Variants in GPR137 observed in about 807,000 individuals in gnomAD.
GPR137 encodes the protein integral membrane protein GPR137.
A neutral mutation model predicts 38.9 loss-of-function variants in GPR137; 20 were observed. That is an observed-to-expected ratio of 0.51 (90% CI 0.36 to 0.75). The LOEUF is 0.75. GPR137 is among the 30% of genes least tolerant of loss of function. The pLI is 0.00. For missense variants in GPR137, 456 were observed against 526.4 expected, an observed-to-expected ratio of 0.87 and a Z score of 1.31; for synonymous variants, 226 against 235.8, an observed-to-expected ratio of 0.96 and a Z score of 0.38.
At chr11:64,284,049 A>G, upstream of GPR137, 1 of 1,116,648 alleles carries the variant, frequency 9.0e-7, no homozygotes, top group Non-Finnish European at 1.2e-6. Context: ...TGTTTTACGA[A>G]AGAGGAAACT....
chr11:64,280,374 C>T (rs186357628), upstream of GPR137, among the ~76,000 whole-genome samples: 79 of 131,340 alleles, frequency 6.0e-4, no homozygotes, highest in African/African-American at 2.1e-3. Flanking sequence ...TTTTTTGAGA[C>T]GGAGTCTTGC....
chr11:64,287,644 G>C (rs1279470822), intron 2 of GPR137, 77 bp from the exon 3 acceptor site: 69 of 1,585,456 alleles, frequency 4.4e-5, no homozygotes, highest in Non-Finnish European at 5.6e-5. Context: ...CGACATTGGG[G>C]TTTCCTGCAG....
upstream of GPR137, among the ~76,000 whole-genome samples, chr11:64,281,480 G>C (rs1392764308): frequency 6.6e-6 from 1 of 152,182 alleles, no homozygotes; most frequent in African/African-American, 2.4e-5. Flanking sequence ...CAAAGGCAAT[G>C]CCAGAGTCCT....
upstream of GPR137, among the ~76,000 whole-genome samples, chr11:64,279,541 T>C (rs1274920269): frequency 1.3e-4 from 19 of 148,998 alleles, no homozygotes; most frequent in Non-Finnish European, 1.8e-4. Flanking sequence ...CTGAGGCGGG[T>C]GGATCACGAG....
upstream of GPR137, chr11:64,284,111 C>A (rs549943314): frequency 6.7e-7 from 1 of 1,491,920 alleles, no homozygotes; most frequent in Non-Finnish European, 8.9e-7. Flanking sequence ...CCTGTGGATG[C>A]AACTGGGATG....
In GPR137 at chr11:64,286,607, C is replaced by T; in HGVS notation, c.83C>T (p.Ala28Val). The change falls in exon 1 of 7, where the codon GCT becomes GTT. Residue 28 changes from alanine to valine, a missense_variant. Coordinates refer to ENST00000438980, the MANE Select transcript of GPR137 (RefSeq NM_001170880.2). ...CCTGCTGTGACCCTGGGGCTGACAG[C>T]TGCCTACACCACCCTGTATGCCCTG... ...LPPAVTLGLT[A>V]AYTTLYALLF... is the part of the protein sequence containing the mutation. 1 of 1,614,002 alleles carries T rather than the reference C, an allele frequency of 6.2e-7. No individual in the cohort carries two copies. The highest frequency in any genetic ancestry group is 8.5e-7 in the Non-Finnish European group (1 of 1,179,954).
At chr11:64,275,965 A>G (rs2033026189) in intron 1 of GPR137, among the ~76,000 whole-genome samples, 1 of 151,790 alleles carries the variant, frequency 6.6e-6, no homozygotes, top group Non-Finnish European at 1.5e-5. Context: ...AGCATAGGTA[A>G]CTTGCCCAAG....
In GPR137 at chr11:64,287,823, C is replaced by G. The variant is rs574979888; in HGVS notation, c.510C>G (p.Ala170=). 2.5e-6 allele frequency: 4 copies of G among 1,606,822 alleles called. No individual in the cohort carries two copies. The East Asian group carries it at 6.7e-5, about 27-fold the overall frequency. Residue 170 remains alanine, a synonymous_variant, in exon 3 of 7, where the codon GCC becomes GCG. Transcript: ENST00000438980. ...LSHRRRAQPW[A]LLLVRVLVSD... ...ATCGGCGCCGGGCACAGCCCTGGGC[C>G]CTGCTGCTTGTCCGCGTCCTGGTGA...
At chr11:64,280,213 T>C (rs376974854), upstream of GPR137, among the ~76,000 whole-genome samples, 1 of 147,644 alleles carries the variant, frequency 6.8e-6, no homozygotes, top group African/African-American at 2.5e-5. Flanking sequence ...CGAGCTACTC[T>C]GGAGGCTGAG....
At chr11:64,285,791 C>A (rs991723641), upstream of GPR137, 100 of 985,204 alleles carry the variant, frequency 1.0e-4, no homozygotes, top group African/African-American at 1.7e-4. Context: ...CCAGCCGGGC[C>A]GCTGCGCAAT....
intron 2 of GPR137, 46 bp downstream of exon 2, chr11:64,287,060 A>G: frequency 6.3e-7 from 1 of 1,598,468 alleles, no homozygotes; most frequent in South Asian, 1.1e-5. Flanking sequence ...GGTCAGGGGC[A>G]GGTGACAGTC....
In GPR137 at chr11:64,286,681, C is replaced by T; in HGVS notation, c.157C>T (p.His53Tyr). ...GCTCTGGCTGGTGCTTCTGTATGGG[C>T]ACAAGCGTCTCAGCTATCAGACGGT... ...AQLWLVLLYG[H>Y]KRLSYQTVFL... Residue 53 changes from histidine to tyrosine, a missense_variant, in exon 1 of 7, where the codon CAC becomes TAC. Coordinates refer to ENST00000438980, the MANE Select transcript of GPR137 (RefSeq NM_001170880.2). 1 of 1,613,840 alleles carries T rather than the reference C, an allele frequency of 6.2e-7. No homozygotes were observed. Among genetic ancestry groups the T allele is most frequent in the Admixed American group, 1.7e-5 (1 of 60,022 alleles).
In GPR137 at chr11:64,288,027, T is replaced by C. The variant is rs994133390; in HGVS notation, c.634-38T>C. Reference sequence around the variant, plus strand: ...CAGGGTGTAGAGGAAGCTGGGAGCCTTCTCTCCCTGAGGGTCCTCTGTTGT... The same window carrying C: ...CAGGGTGTAGAGGAAGCTGGGAGCCCTCTCTCCCTGAGGGTCCTCTGTTGT... On this transcript the variant is annotated intron_variant, in intron 3 of 6. Transcript: ENST00000438980. This position sits in a 1 kb window ranked among gnomAD's most constrained non-coding sequence, Gnocchi z 5.5. The C allele has an allele frequency of 1.9e-6, 3 of 1,605,536 alleles. No individual in the cohort carries two copies. The highest frequency in any genetic ancestry group is 2.5e-6 in the Non-Finnish European group (3 of 1,179,914).
In GPR137 at chr11:64,288,451, C is replaced by T; in HGVS notation, c.895C>T (p.Arg299Trp). The change falls in exon 5 of 7, where the codon CGG (arginine) becomes TGG (tryptophan). Residue 299 changes from arginine (R) to tryptophan (W), a missense_variant. Coordinates refer to ENST00000438980, the MANE Select transcript of GPR137 (RefSeq NM_001170880.2). This position sits in a 1 kb window ranked among gnomAD's most constrained non-coding sequence, Gnocchi z 5.5. ...GCTGGTGGGCTTCTTCCGGGTGCAC[C>T]GGCCCCCACAGGACCTGGTAAGGGT... ...TLLVGFFRVH[R>W]PPQDLSTSHI... 6 of 1,613,272 alleles carry T rather than the reference C, an allele frequency of 3.7e-6. No homozygotes were observed. The highest frequency in any genetic ancestry group is 1.1e-5 in the South Asian group (1 of 91,080).
At chr11:64,280,245 G>T (rs371212872), upstream of GPR137, among the ~76,000 whole-genome samples, 10 of 148,632 alleles carry the variant, frequency 6.7e-5, no homozygotes, top group South Asian at 2.2e-3. Flanking sequence ...GCGTGAACCC[G>T]GGAGGCAGAG....
Position 64,285,970 on chromosome 11 carries a change from G to A in GPR137, c.-555G>A. 1.0e-5 allele frequency: 10 copies of A among 977,874 alleles called. No homozygotes were observed. Among genetic ancestry groups the A allele is most frequent in the Non-Finnish European group, 1.2e-5 (10 of 822,972 alleles). 60.6% of individuals were successfully genotyped at this position (977,874 alleles called of 1,614,324 possible). ...CCCCTTGAGGCTGGAGCGTGGACGC[G>A]GTGGGGGAGGGTGGGGCGGGGGCAG... On this transcript the variant is annotated 5_prime_UTR_variant, in exon 1 of 7. Transcript: ENST00000438980.
chr11:64,287,279 A>G (rs2135189735), intron 2 of GPR137: 1 of 985,426 alleles, frequency 1.0e-6, no homozygotes, highest in South Asian at 4.7e-5. Context: ...TGGAGGCTCC[A>G]GCCCATGGAA....
upstream of GPR137, chr11:64,271,832 A>C: frequency 2.9e-6 from 4 of 1,360,664 alleles, no homozygotes; most frequent in Non-Finnish European, 3.8e-6. Flanking sequence ...TAGGGGGGCG[A>C]CGTTAATCTC....
upstream of GPR137, among the ~76,000 whole-genome samples, chr11:64,283,142 G>T (rs188283610): frequency 5.5e-4 from 84 of 152,328 alleles, no homozygotes; most frequent in East Asian, 7.5e-3. Flanking sequence ...CCGTAAGAGA[G>T]CGAGGGGAAA....
Sources: allele counts gnomAD v4.1 joint callset (sites outside exome capture counted in the v4.1 genomes callset), GRCh38; gene constraint gnomAD v4.1.1; non-coding constraint Gnocchi (gnomAD v3.1); transcripts MANE v1.5; gene names NCBI Gene and HGNC (gene_info 2026-07-23, HGNC 2026-07-21).